Variants in PTPRT observed in about 807,000 individuals in gnomAD.
PTPRT encodes the protein protein tyrosine phosphatase receptor type T, also known as receptor-type tyrosine-protein phosphatase T.
In PTPRT, 56 loss-of-function variants were observed where a neutral mutation model predicts 176.8. The observed-to-expected ratio is 0.32, with a 90% CI of 0.26 to 0.40. PTPRT has a LOEUF of 0.40. Ranked by LOEUF, PTPRT falls within the 10% of genes least tolerant of loss-of-function variation. The pLI, the probability that PTPRT is intolerant of heterozygous loss-of-function variation, is 1.00. For missense variants in PTPRT, 1,540 were observed against 1,908.2 expected, an observed-to-expected ratio of 0.81 and a Z score of 3.60; for synonymous variants, 783 against 739.0, an observed-to-expected ratio of 1.06 and a Z score of -0.96.
At chr20:42,431,339 G>A (rs1266655105) in intron 9 of PTPRT, among the ~76,000 whole-genome samples, 1 of 152,014 alleles carries the variant, frequency 6.6e-6, no homozygotes, top group East Asian at 1.9e-4. Context: ...CCATAAACAT[G>A]AAGTTTATCA....
chr20:42,339,896 A>G (rs2058088682), intron 11 of PTPRT, among the ~76,000 whole-genome samples: 2 of 152,140 alleles, frequency 1.3e-5, no homozygotes, highest in Non-Finnish European at 2.9e-5. Flanking sequence ...TGTTTTCAGG[A>G]CCTATACCTC....
chr20:42,910,994 T>G (rs2079536624), intron 1 of PTPRT, among the ~76,000 whole-genome samples: 1 of 151,948 alleles, frequency 6.6e-6, no homozygotes, highest in Admixed American at 6.6e-5. Context: ...TATAAAACCA[T>G]CAGATCTCGT....
chr20:42,881,247 G>A (rs2079005952), intron 2 of PTPRT, among the ~76,000 whole-genome samples: 1 of 152,188 alleles, frequency 6.6e-6, no homozygotes, highest in Non-Finnish European at 1.5e-5. Flanking sequence ...ACTGGGAGTT[G>A]AGACCCTAGG....
chr20:42,963,182 G>A (rs1008162969), intron 1 of PTPRT, among the ~76,000 whole-genome samples: 1 of 151,842 alleles, frequency 6.6e-6, no homozygotes, highest in African/African-American at 2.4e-5. Context: ...CTGGGTGACA[G>A]AGCAAGACTC....
rs41279250 is a variant in PTPRT at position 42,472,282 on chromosome 20, C to T, written c.1434G>A (p.Val478=). 9.5e-3 allele frequency: 15,269 copies of T among 1,614,038 alleles called. 107 individuals are homozygous for T. The highest frequency in any genetic ancestry group is 0.017 in the Middle Eastern group (106 of 6,058). ...CTTGCTCACCGTCTTCCTCAGTCTG[C>T]ACCACCAGCTCCTCGCTCTCCATTC... The part of the protein sequence containing the change: ...EGRMESEELV[V]QTEEDVPGAV... Residue 478 remains valine, a synonymous_variant, in exon 8 of 31, where the codon GTG becomes GTA. Coordinates refer to ENST00000373187, the MANE Select transcript of PTPRT (RefSeq NM_007050.6).
At chr20:42,665,253 G>C (rs1031730943) in intron 7 of PTPRT, among the ~76,000 whole-genome samples, 1 of 152,016 alleles carries the variant, frequency 6.6e-6, no homozygotes, top group East Asian at 1.9e-4. Context: ...AAATTTACAA[G>C]AAAAAAACAA....
chr20:42,137,796 T>C (rs6016693), intron 18 of PTPRT, among the ~76,000 whole-genome samples: 19,303 of 152,094 alleles, frequency 0.13, 1,869 homozygotes, highest in East Asian at 0.48. Flanking sequence ...TGAAGGTGGG[T>C]GAGGTGAAGT....
intron 7 of PTPRT, among the ~76,000 whole-genome samples, chr20:42,572,378 C>T (rs2073172079): frequency 6.6e-6 from 1 of 152,156 alleles, no homozygotes; most frequent in Non-Finnish European, 1.5e-5. Context: ...CCTCTGCTGG[C>T]CACCCTCTGG....
chr20:42,543,734 A>G (rs2072623740), intron 7 of PTPRT, among the ~76,000 whole-genome samples: 1 of 152,018 alleles, frequency 6.6e-6, no homozygotes, highest in South Asian at 2.1e-4. Flanking sequence ...TATTTCTTAA[A>G]CAAGACCCAA....
At chr20:42,952,546 T>C (rs1981319239) in intron 1 of PTPRT, among the ~76,000 whole-genome samples, 1 of 152,196 alleles carries the variant, frequency 6.6e-6, no homozygotes, top group African/African-American at 2.4e-5. Flanking sequence ...CTCAGTTTCC[T>C]TATCTGTCAA....
intron 6 of PTPRT, among the ~76,000 whole-genome samples, chr20:42,714,131 G>A (rs1468699280): frequency 6.6e-6 from 1 of 152,170 alleles, no homozygotes; most frequent in East Asian, 1.9e-4. Context: ...CCCTCTCAGA[G>A]CCTCAGTTTC....
At chr20:42,874,640 T>G (rs1405369066) in intron 2 of PTPRT, among the ~76,000 whole-genome samples, 1 of 152,186 alleles carries the variant, frequency 6.6e-6, no homozygotes, top group Admixed American at 6.5e-5. Flanking sequence ...TGAATTCAAA[T>G]CTCAGCTCCT....
intron 15 of PTPRT, among the ~76,000 whole-genome samples, chr20:42,235,127 A>G (rs1382077982): frequency 6.6e-6 from 1 of 152,352 alleles, no homozygotes; most frequent in East Asian, 1.9e-4. Flanking sequence ...TTCCAAAAAT[A>G]GAAAGTGCAT....
intron 2 of PTPRT, among the ~76,000 whole-genome samples, chr20:42,839,111 A>G (rs538395193): frequency 1.3e-5 from 2 of 152,208 alleles, no homozygotes; most frequent in Non-Finnish European, 2.9e-5. Context: ...GTTGGGCAGA[A>G]GAAGGGCACA....
intron 12 of PTPRT, among the ~76,000 whole-genome samples, chr20:42,286,365 C>T (rs917374728): frequency 6.6e-6 from 1 of 151,938 alleles, no homozygotes; most frequent in African/African-American, 2.4e-5. Flanking sequence ...CAGCATGGTA[C>T]TGGCATAAAA....
chr20:42,696,162 C>T (rs1238452642), intron 6 of PTPRT, among the ~76,000 whole-genome samples: 2 of 151,822 alleles, frequency 1.3e-5, no homozygotes, highest in Admixed American at 6.6e-5. Flanking sequence ...TCCCTCTCCC[C>T]TAAACCCTCT....
intron 1 of PTPRT, among the ~76,000 whole-genome samples, chr20:43,098,323 C>T (rs1200356733): frequency 1.3e-5 from 2 of 152,190 alleles, no homozygotes; most frequent in South Asian, 4.1e-4. Context: ...AGCTGAAAGA[C>T]CTTGGCCATG....
intron 1 of PTPRT, among the ~76,000 whole-genome samples, chr20:43,001,855 AAAACAAAC>A (rs142757616): frequency 2.0e-5 from 3 of 150,994 alleles, no homozygotes; most frequent in South Asian, 2.1e-4. Context: ...CAAACATTGT[AAAACAAAC>A]AAACAAACAA....
At chr20:43,005,941 T>A (rs751127199) in intron 1 of PTPRT, among the ~76,000 whole-genome samples, 16 of 152,260 alleles carry the variant, frequency 1.1e-4, no homozygotes, top group Non-Finnish European at 2.1e-4. Context: ...GAGGAAAATA[T>A]TTTAGTTGAT....
Sources: gnomAD v4.1 joint callset for allele counts (sites outside exome capture counted in the v4.1 genomes callset) on GRCh38, gnomAD v4.1.1 for gene constraint, MANE v1.5 for transcripts, NCBI Gene and HGNC (gene_info 2026-07-23, HGNC 2026-07-21) for gene names.